The following RNGTT variants were observed in gnomAD, a reference collection of about 807,000 sequenced individuals.
RNGTT encodes the protein mRNA-capping enzyme.
A neutral mutation model predicts 79.3 loss-of-function variants in RNGTT; 33 were observed. The observed-to-expected ratio is 0.42, with a 90% confidence interval of 0.32 to 0.56. RNGTT has a LOEUF of 0.56. Among genes scored for constraint, RNGTT ranks in the 20% least tolerant of loss-of-function variants. The pLI is 0.17. For synonymous variants in RNGTT, 222 were observed against 235.9 expected (o/e 0.94, Z 0.54); for missense variants, 497 against 739.1 (o/e 0.67, Z 3.80).
At chr6:88,765,210 T>C (rs1234815035) in intron 13 of RNGTT, among the ~76,000 whole-genome samples, 1 of 149,198 alleles carries the variant, frequency 6.7e-6, no homozygotes, top group Non-Finnish European at 1.5e-5. Flanking sequence ...AAAAAAAAAA[T>C]TACATTTCAT....
intron 14 of RNGTT, among the ~76,000 whole-genome samples, chr6:88,634,766 T>C (rs1773036524): frequency 6.6e-6 from 1 of 151,964 alleles, no homozygotes. Flanking sequence ...GAAAATAAAA[T>C]ATAACTTAAA....
intron 13 of RNGTT, among the ~76,000 whole-genome samples, chr6:88,679,283 G>C (rs891177193): frequency 6.6e-6 from 1 of 152,188 alleles, no homozygotes; most frequent in African/African-American, 2.4e-5. Context: ...AAGGGATCTG[G>C]AAAAGTTTGA....
At chr6:88,801,453 C>A in intron 12 of RNGTT, 111 bp downstream of exon 12, 1 of 715,182 alleles carries the variant, frequency 1.4e-6, no homozygotes, top group Non-Finnish European at 2.3e-6. Flanking sequence ...GTAATCAATC[C>A]CAAGTAAATA....
intron 14 of RNGTT, among the ~76,000 whole-genome samples, chr6:88,655,662 C>CA (rs2127779738): frequency 1.3e-5 from 2 of 152,180 alleles, no homozygotes; most frequent in South Asian, 2.1e-4. Context: ...ATGGTTGCTG[C>CA]AAAAAATTCC....
chr6:88,616,534 T>C (rs541136982), intron 14 of RNGTT, among the ~76,000 whole-genome samples: 1 of 152,244 alleles, frequency 6.6e-6, no homozygotes, highest in East Asian at 1.9e-4. Context: ...TAAAAAAAAT[T>C]GACGCCCATT....
intron 8 of RNGTT, among the ~76,000 whole-genome samples, chr6:88,887,278 C>T (rs1034480493): frequency 1.3e-5 from 2 of 152,048 alleles, no homozygotes; most frequent in Non-Finnish European, 2.9e-5. Context: ...TACACTGTAT[C>T]CTGACATAGC....
chr6:88,652,620 T>C (rs1274555614), intron 14 of RNGTT, among the ~76,000 whole-genome samples: 2 of 152,168 alleles, frequency 1.3e-5, no homozygotes, highest in East Asian at 3.8e-4. Flanking sequence ...AACGTGTGGA[T>C]TTCTATGATC....
chr6:88,958,695 AAT>A (rs1379771560), intron 1 of RNGTT, among the ~76,000 whole-genome samples: 1 of 152,242 alleles, frequency 6.6e-6, no homozygotes, highest in Non-Finnish European at 1.5e-5. Context: ...CCATAATTAA[AAT>A]ATCAAAAAAT....
chr6:88,639,761 G>C (rs377544048), intron 14 of RNGTT, among the ~76,000 whole-genome samples: 1 of 152,138 alleles, frequency 6.6e-6, no homozygotes, highest in East Asian at 1.9e-4. Context: ...TAATGATGAC[G>C]ATACAGATGA....
chr6:88,789,485 G>A (rs1436691204), intron 12 of RNGTT, among the ~76,000 whole-genome samples: 2 of 152,132 alleles, frequency 1.3e-5, no homozygotes, highest in Admixed American at 6.5e-5. Context: ...ATTTGAACCC[G>A]GGAGGCGGAG....
chr6:88,642,356 C>T (rs1462210238), intron 14 of RNGTT, among the ~76,000 whole-genome samples: 1 of 152,082 alleles, frequency 6.6e-6, no homozygotes, highest in Non-Finnish European at 1.5e-5. Flanking sequence ...ATATAAATTA[C>T]AGAACACTTT....
intron 11 of RNGTT, among the ~76,000 whole-genome samples, chr6:88,831,984 G>A (rs1780885330): frequency 6.6e-6 from 1 of 152,166 alleles, no homozygotes; most frequent in African/African-American, 2.4e-5. Flanking sequence ...CAGATAGGAA[G>A]AATCAATATC....
chr6:88,668,521 C>T (rs1774505524), intron 14 of RNGTT, among the ~76,000 whole-genome samples: 1 of 152,178 alleles, frequency 6.6e-6, no homozygotes, highest in South Asian at 2.1e-4. Flanking sequence ...CATCAGGTTA[C>T]AGAGGTAGGG....
intron 14 of RNGTT, among the ~76,000 whole-genome samples, chr6:88,628,236 T>C (rs1772710671): frequency 6.6e-6 from 1 of 152,116 alleles, no homozygotes; most frequent in Non-Finnish European, 1.5e-5. Context: ...AATCTGAAAA[T>C]GATTACAATA....
At chr6:88,629,962 T>C (rs952332985) in intron 14 of RNGTT, among the ~76,000 whole-genome samples, 3 of 152,168 alleles carry the variant, frequency 2.0e-5, no homozygotes, top group Admixed American at 6.6e-5. Context: ...ACTCCCTGAC[T>C]ATAAGAAATC....
At chr6:88,738,863 CA>C (rs1363441283) in intron 13 of RNGTT, among the ~76,000 whole-genome samples, 3 of 151,702 alleles carry the variant, frequency 2.0e-5, no homozygotes, top group African/African-American at 7.3e-5. Context: ...CACACACACA[CA>C]CACACCCCTT....
chr6:88,941,249 A>C (rs1784837219), intron 1 of RNGTT, 69 bp from the exon 2 acceptor site: 2 of 1,073,646 alleles, frequency 1.9e-6, no homozygotes, highest in African/African-American at 1.6e-5. Flanking sequence ...TATAATTAAC[A>C]ATTCTCAAAT....
intron 11 of RNGTT, among the ~76,000 whole-genome samples, chr6:88,817,458 A>G (rs1307280862): frequency 6.7e-6 from 1 of 149,944 alleles, no homozygotes; most frequent in Non-Finnish European, 1.5e-5. Context: ...CCTGGGCAAC[A>G]AAGTCAGATC....
chr6:88,680,421 G>A (rs1023158373), intron 13 of RNGTT, among the ~76,000 whole-genome samples: 5 of 151,958 alleles, frequency 3.3e-5, no homozygotes, highest in African/African-American at 1.2e-4. Flanking sequence ...TAGTCTCCTG[G>A]GAATATCCCC....
Sources: allele counts gnomAD v4.1 joint callset (sites outside exome capture counted in the v4.1 genomes callset), GRCh38; gene constraint gnomAD v4.1.1; transcripts MANE v1.5; gene names NCBI Gene and HGNC (gene_info 2026-07-23, HGNC 2026-07-21).